Variants in PCSK5 observed in about 807,000 individuals in gnomAD.
PCSK5 encodes the protein prohormone convertase 5.
Under a neutral mutation model 233.2 loss-of-function variants are expected in PCSK5, and 129 were observed. The ratio of observed to expected loss-of-function variants is 0.55; its 90% CI spans 0.48 to 0.64. The LOEUF is 0.64. Among genes scored for constraint, PCSK5 ranks in the 30% least tolerant of loss-of-function variants. The probability of loss-of-function intolerance (pLI) is 0.00; values close to 1 mark genes in which losing one functional copy is unlikely to be tolerated. For synonymous variants in PCSK5, 825 were observed against 879.2 expected (o/e 0.94, Z 1.09); for missense variants, 2,076 against 2,430.1 (o/e 0.85, Z 3.06).
In PCSK5 at chr9:76,039,275, G is replaced by GAAAC. The variant is rs1291887621; in HGVS notation, c.632+12250_632+12253dup. Among the ~76,000 whole-genome samples the GAAAC allele has an allele frequency of 3.3e-5, 5 of 152,228 alleles. No individual in the cohort carries two copies. In the South Asian group the frequency reaches 1.0e-3, roughly 32 times the overall value. ...AACACAGGTTTAATGCATCCCGGTT[G>GAAAC]AAACAAACAAACAAAAATACCCAGA... On this transcript the variant is annotated intron_variant, in intron 5 of 37. Coordinates refer to ENST00000674117, the MANE Select transcript of PCSK5 (RefSeq NM_001372043.1).
At chr9:75,941,824 G>A (rs1007160975) in intron 2 of PCSK5, among the ~76,000 whole-genome samples, 6 of 152,214 alleles carry the variant, frequency 3.9e-5, no homozygotes, top group East Asian at 1.9e-4. Flanking sequence ...CTGTCCTATC[G>A]GTTTTGTTTC....
At position 76,212,402 on chromosome 9, in the gene PCSK5, A is replaced by G. The variant is rs185433948; in HGVS notation, c.2627-15101A>G. Among the ~76,000 whole-genome samples, 404 of 152,330 alleles carry G rather than the reference A, an allele frequency of 2.7e-3. 3 individuals are homozygous for G. The highest frequency in any genetic ancestry group is 3.8e-3 in the Non-Finnish European group (261 of 68,038). The stretch of plus-strand genomic sequence containing the variant: ...AGTTGTGTGTCTTGTTGATATCACA[A>G]GAGTTGTGTGTTAGAGAAAGAACAC... On this transcript the variant is annotated intron_variant, in intron 20 of 37. Transcript: ENST00000674117.
intron 3 of PCSK5, among the ~76,000 whole-genome samples, chr9:75,990,928 AT>A (rs556327968): frequency 7.9e-5 from 12 of 152,196 alleles, no homozygotes; most frequent in Non-Finnish European, 1.8e-4. Context: ...TGCTCAATAA[AT>A]TTTGATTGAA....
intron 25 of PCSK5, among the ~76,000 whole-genome samples, chr9:76,294,470 G>A (rs1017393587): frequency 1.3e-5 from 2 of 152,040 alleles, no homozygotes; most frequent in African/African-American, 2.4e-5. Flanking sequence ...GCCTGGACTC[G>A]ACACCAAGCT....
intron 2 of PCSK5, among the ~76,000 whole-genome samples, chr9:75,937,271 C>T (rs1182105257): frequency 4.6e-5 from 7 of 151,648 alleles, no homozygotes; most frequent in Admixed American, 6.6e-5. Context: ...CTCCGCTTCC[C>T]GGGTTCAAGT....
chr9:76,267,356 T>C (rs1827365070), intron 24 of PCSK5, among the ~76,000 whole-genome samples: 1 of 152,168 alleles, frequency 6.6e-6, no homozygotes, highest in Non-Finnish European at 1.5e-5. Flanking sequence ...TTAAGGTATT[T>C]CACGGTGGGG....
intron 5 of PCSK5, among the ~76,000 whole-genome samples, chr9:76,040,385 GTCTCTCTCTCTCTC>G (rs5898445): frequency 1.2e-5 from 1 of 80,620 alleles, no homozygotes; most frequent in African/African-American, 4.3e-5. Context: ...CTCTCTCTCT[GTCTCTCTCTCTCTC>G]TCTCTCTCTC....
At chr9:75,969,968 G>C (rs917309717) in intron 2 of PCSK5, among the ~76,000 whole-genome samples, 3 of 151,342 alleles carry the variant, frequency 2.0e-5, no homozygotes, top group African/African-American at 7.3e-5. Context: ...CCACTTCCCA[G>C]GTTGAAGCAA....
At chr9:76,097,855 G>A (rs1319557623) in intron 8 of PCSK5, among the ~76,000 whole-genome samples, 2 of 152,156 alleles carry the variant, frequency 1.3e-5, no homozygotes, top group African/African-American at 4.8e-5. Flanking sequence ...TTTGCACTTT[G>A]CCCTTTTTCC....
Position 76,280,905 on chromosome 9 carries a change from T to A in PCSK5, c.3143-11328T>A, listed in dbSNP as rs59204237. On this transcript the variant is annotated intron_variant, in intron 24 of 37. Coordinates refer to ENST00000674117, the MANE Select transcript of PCSK5 (RefSeq NM_001372043.1). ...AGCCTTAGTGCTGATATGGAGAAAG[T>A]TTTTGTGGTCTGGATAGAAAATCAA... Among the ~76,000 whole-genome samples the A allele has an allele frequency of 2.9e-3, 438 of 151,602 alleles. 7 individuals carry two copies. Among genetic ancestry groups the A allele is most frequent in the African/African-American group, 0.01 (410 of 40,988 alleles).
At chr9:76,275,268 C>T (rs1254388975) in intron 24 of PCSK5, among the ~76,000 whole-genome samples, 1 of 152,056 alleles carries the variant, frequency 6.6e-6, no homozygotes, top group Non-Finnish European at 1.5e-5. Flanking sequence ...ATTTTTCATC[C>T]ATCCTTCACT....
intron 2 of PCSK5, among the ~76,000 whole-genome samples, chr9:75,971,166 T>C (rs1268120023): frequency 6.7e-6 from 1 of 150,030 alleles, no homozygotes; most frequent in Non-Finnish European, 1.5e-5. Context: ...CTCCCACTTA[T>C]AAGTGAGAAA....
At chr9:76,249,010 A>C (rs1826710006) in intron 24 of PCSK5, among the ~76,000 whole-genome samples, 1 of 152,120 alleles carries the variant, frequency 6.6e-6, no homozygotes, top group Admixed American at 6.5e-5. Context: ...CAGTCCTCCC[A>C]CCTTGGCCTC....
At chr9:75,994,763 T>C (rs2131412441) in intron 3 of PCSK5, among the ~76,000 whole-genome samples, 1 of 152,278 alleles carries the variant, frequency 6.6e-6, no homozygotes, top group Admixed American at 6.5e-5. Flanking sequence ...CAGTCTGTTC[T>C]TCATACAGCA....
At chr9:76,002,841 T>C (rs1563966033) in intron 3 of PCSK5, among the ~76,000 whole-genome samples, 1 of 152,176 alleles carries the variant, frequency 6.6e-6, no homozygotes, top group Non-Finnish European at 1.5e-5. Flanking sequence ...AGCCCTGATC[T>C]CTCCCATTGC....
At chr9:76,214,272 TTGAC>T (rs1192272619) in intron 20 of PCSK5, among the ~76,000 whole-genome samples, 1 of 150,592 alleles carries the variant, frequency 6.6e-6, no homozygotes, top group Non-Finnish European at 1.5e-5. Flanking sequence ...GATTGCATGT[TTGAC>T]TTTTTCCCCA....
intron 32 of PCSK5, among the ~76,000 whole-genome samples, chr9:76,327,524 A>G (rs1441483215): frequency 6.6e-6 from 1 of 152,230 alleles, no homozygotes; most frequent in African/African-American, 2.4e-5. Context: ...CATAGGCACT[A>G]TGTATTCAAA....
rs773355775 is a variant in PCSK5, at chr9:76,351,610, GA to G, written c.5067+687del. ...GAGAGAGAGAAAGAAAGAGAAGAAA[GA>G]AAAAGAAAGAGAAAGAAAGAGAGAG... On this transcript the variant is annotated intron_variant, in intron 36 of 37. Coordinates refer to ENST00000674117, the MANE Select transcript of PCSK5 (RefSeq NM_001372043.1). 9.9e-4 allele frequency among the ~76,000 whole-genome samples: 31 copies of G among 31,310 alleles called. 1 individual carries two copies. The highest frequency in any genetic ancestry group is 2.6e-3 in the Admixed American group (5 of 1,898). 20.5% of individuals were successfully genotyped at this position (31,310 alleles called of 152,430 possible).
At chr9:76,197,003 G>C (rs1223100157) in intron 20 of PCSK5, among the ~76,000 whole-genome samples, 1 of 152,158 alleles carries the variant, frequency 6.6e-6, no homozygotes, top group East Asian at 1.9e-4. Flanking sequence ...GTTCCCTAAA[G>C]CAGGTAGAGC....
Sources: gnomAD v4.1 joint callset for allele counts (sites outside exome capture counted in the v4.1 genomes callset) on GRCh38, gnomAD v4.1.1 for gene constraint, MANE v1.5 for transcripts, NCBI Gene and HGNC (gene_info 2026-07-23, HGNC 2026-07-21) for gene names.